ZNF169: variants seen among roughly 807,000 people sequenced by gnomAD.
The protein encoded by ZNF169 is zinc finger protein 169.
Under a neutral mutation model 12.0 loss-of-function variants are expected in ZNF169, and 11 were observed. That is an observed-to-expected ratio of 0.92 (90% confidence interval 0.58 to 1.52). The LOEUF is 1.52. Ranked by LOEUF, ZNF169 falls within the 40% of genes most tolerant of loss-of-function variation. ZNF169 has a pLI of 0.00. For synonymous variants in ZNF169, 302 were observed against 286.5 expected, an observed-to-expected ratio of 1.05 and a Z score of -0.55; for missense variants, 722 against 744.0, an observed-to-expected ratio of 0.97 and a Z score of 0.34.
rs1830879402 is a variant in ZNF169 at position 94,293,031 on chromosome 9, G to C, written c.218G>C (p.Trp73Ser). ...IEQLEQGDEP[W>S]REENEHLLDL... ...CAGCTGGAGCAAGGCGACGAACCTT[G>C]GAGAGAGGAGAACGAACATCTTCTG... The change falls in exon 4 of 5, where the codon TGG becomes TCG. Residue 73 changes from tryptophan (W) to serine (S), a missense_variant. Transcript: ENST00000395395. 1 of 1,613,568 alleles carries C rather than the reference G, an allele frequency of 6.2e-7. No individual in the cohort carries two copies. Among genetic ancestry groups the C allele is most frequent in the African/African-American group, 1.3e-5 (1 of 75,026 alleles).
At chr9:94,279,850 T>C (rs10435926) in intron 2 of ZNF169, among the ~76,000 whole-genome samples, 14,252 of 152,154 alleles carry the variant, frequency 0.094, 1,170 homozygotes, top group East Asian at 0.38. Context: ...CTTTATAAAG[T>C]GAGTTTTCTG....
At chr9:94,287,825 C>G (rs1411224135) in intron 2 of ZNF169, 4 of 1,111,024 alleles carry the variant, frequency 3.6e-6, no homozygotes, top group Admixed American at 1.7e-5. Flanking sequence ...CTAAACCTCT[C>G]AGGCTGGAGT....
At chr9:94,260,409 C>T (rs1200934564) in intron 1 of ZNF169, among the ~76,000 whole-genome samples, 1 of 151,954 alleles carries the variant, frequency 6.6e-6, no homozygotes, top group East Asian at 1.9e-4. Context: ...GGTGATGGTG[C>T]AGCTTGGCCA....
chr9:94,297,060 A>T (rs1830968015), intron 4 of ZNF169, among the ~76,000 whole-genome samples: 1 of 151,880 alleles, frequency 6.6e-6, no homozygotes, highest in South Asian at 2.1e-4. Flanking sequence ...ATAAAATAAA[A>T]TAAAATAAAA....
At chr9:94,289,944 C>T (rs1048690299) in intron 2 of ZNF169, among the ~76,000 whole-genome samples, 7 of 152,208 alleles carry the variant, frequency 4.6e-5, no homozygotes, top group Middle Eastern at 3.2e-3. Flanking sequence ...AAATGGCAGA[C>T]ATTCCAACCA....
chr9:94,299,357 C>G, intron 4 of ZNF169: 1 of 437,138 alleles, frequency 2.3e-6, no homozygotes, highest in East Asian at 3.5e-5. Flanking sequence ...TCACCACAGT[C>G]AAGGAAGCCC....
intron 1 of ZNF169, among the ~76,000 whole-genome samples, chr9:94,274,525 A>G (rs575488036): frequency 2.6e-4 from 40 of 152,298 alleles, no homozygotes; most frequent in African/African-American, 8.7e-4. Flanking sequence ...CAAATAATAT[A>G]CAGATGTTCC....
At chr9:94,283,503 C>T (rs937634737) in intron 2 of ZNF169, among the ~76,000 whole-genome samples, 3 of 152,160 alleles carry the variant, frequency 2.0e-5, no homozygotes, top group Admixed American at 6.5e-5. Context: ...AATCAACTTT[C>T]GTAAAATTCT....
chr9:94,267,249 A>G (rs1830311364), intron 1 of ZNF169, among the ~76,000 whole-genome samples: 1 of 152,190 alleles, frequency 6.6e-6, no homozygotes, highest in African/African-American at 2.4e-5. Context: ...GGACTGTCAG[A>G]AAGTGACATT....
In ZNF169 at chr9:94,299,918, C is replaced by G; in HGVS notation, c.360C>G (p.Phe120Leu). 1 of 1,614,158 alleles carries G rather than the reference C, an allele frequency of 6.2e-7. No individual in the cohort carries two copies. Among genetic ancestry groups the G allele is most frequent in the South Asian group, 1.1e-5 (1 of 91,082 alleles). ...YALSGHPTQI[F>L]PSSSAGGDFQ... ...TAAGTGGCCATCCCACACAGATCTTCCCAAGCTCATCTGCAGGAGGTGACT... is the reference window on the plus strand; with the variant it reads ...TAAGTGGCCATCCCACACAGATCTTGCCAAGCTCATCTGCAGGAGGTGACT... Residue 120 changes from phenylalanine (F) to leucine (L), a missense_variant, in exon 5 of 5, where the codon TTC becomes TTG. Phe to Leu is a conservative substitution (Grantham distance 22). Transcript: ENST00000395395.
At chr9:94,266,396 C>T (rs1022247883) in intron 1 of ZNF169, among the ~76,000 whole-genome samples, 2 of 152,130 alleles carry the variant, frequency 1.3e-5, no homozygotes, top group Non-Finnish European at 2.9e-5. Flanking sequence ...GTCGTTGTTA[C>T]GGAGCATCGA....
intron 1 of ZNF169, among the ~76,000 whole-genome samples, chr9:94,265,850 G>T (rs1564081715): frequency 6.6e-6 from 1 of 152,032 alleles, no homozygotes; most frequent in Non-Finnish European, 1.5e-5. Flanking sequence ...TGTTTGTGGA[G>T]ACCTAGGGAG....
chr9:94,299,227 A>T (rs188675467), intron 4 of ZNF169, among the ~76,000 whole-genome samples: 2 of 152,230 alleles, frequency 1.3e-5, no homozygotes, highest in Non-Finnish European at 2.9e-5. Context: ...GTGTCCATAC[A>T]GTTCAGGAGA....
chr9:94,290,442 C>G (rs1830805988), intron 2 of ZNF169, among the ~76,000 whole-genome samples: 1 of 151,838 alleles, frequency 6.6e-6, no homozygotes, highest in Non-Finnish European at 1.5e-5. Context: ...CTCTGTTTTA[C>G]TTTGTCTGTA....
At position 94,300,040 on chromosome 9, in the gene ZNF169, C is replaced by T; in HGVS notation, c.482C>T (p.Ser161Phe). 3 of 1,614,088 alleles carry T rather than the reference C, an allele frequency of 1.9e-6. No homozygotes were observed. Among genetic ancestry groups the T allele is most frequent in the Non-Finnish European group, 2.5e-6 (3 of 1,180,016 alleles). ...TTAAGAAAGAGGCCAAGCAGAATTT[C>T]TAGGACATTCTTCAGCCCACATCAA... is the stretch of plus-strand genomic sequence containing the variant. The part of the protein sequence containing the change: ...SSLRKRPSRI[S>F]RTFFSPHQGD... Residue 161 changes from serine to phenylalanine, a missense_variant, in exon 5 of 5, where the codon TCT (serine) becomes TTT (phenylalanine). Ser to Phe is a radical substitution (Grantham distance 155, BLOSUM62 -2). Coordinates refer to ENST00000395395, the MANE Select transcript of ZNF169 (RefSeq NM_194320.4).
intron 4 of ZNF169, chr9:94,295,795 A>G (rs1830938596): frequency 6.6e-6 from 1 of 152,202 alleles, no homozygotes; most frequent in Non-Finnish European, 1.5e-5. Flanking sequence ...ATTAAAAGGT[A>G]TTTGGGTTTT....
At position 94,277,946 on chromosome 9, in the gene ZNF169, A is replaced by AG. The variant is rs1011425319; in HGVS notation, c.-55-812_-55-811insG. ...GACTCCGACTCAAAAAAAAAAAGAA[A>AG]AAAGAAAAATCAGAGCTTTGTTCTC... On this transcript the variant is annotated intron_variant, in intron 1 of 4. Transcript: ENST00000395395. Among the ~76,000 whole-genome samples, 33 of 151,482 alleles carry AG rather than the reference A, an allele frequency of 2.2e-4. 1 individual carries two copies. The South Asian group carries it at 3.1e-3, about 14-fold the overall frequency.
chr9:94,263,361 T>C (rs542646563), intron 1 of ZNF169, among the ~76,000 whole-genome samples: 6 of 152,356 alleles, frequency 3.9e-5, no homozygotes, highest in African/African-American at 1.4e-4. Flanking sequence ...GGTAACACTT[T>C]CTCTTGAAAT....
intron 4 of ZNF169, chr9:94,295,900 G>A (rs1830940252): frequency 6.6e-6 from 1 of 152,178 alleles, no homozygotes. Context: ...CCTGGGACTG[G>A]AATGGCTGGG....
Sources: gnomAD v4.1 joint callset for allele counts (sites outside exome capture counted in the v4.1 genomes callset) on GRCh38, gnomAD v4.1.1 for gene constraint, MANE v1.5 for transcripts, NCBI Gene and HGNC (gene_info 2026-07-23, HGNC 2026-07-21) for gene names.